Variants in IARS1 observed in about 807,000 individuals in gnomAD.
IARS1 encodes the protein isoleucine--tRNA ligase, cytoplasmic.
Under a neutral mutation model 168.2 loss-of-function variants are expected in IARS1, and 124 were observed. That is an observed-to-expected ratio of 0.74 (90% CI 0.64 to 0.86). The LOEUF (loss-of-function observed/expected upper bound fraction) is 0.86. Among genes scored for constraint, IARS1 ranks in the 40% least tolerant of loss-of-function variants. The pLI is 0.00. For missense variants in IARS1, 1,452 were observed against 1,515.8 expected, an observed-to-expected ratio of 0.96 and a Z score of 0.70; for synonymous variants, 532 against 529.4, an observed-to-expected ratio of 1.00 and a Z score of -0.07.
chr9:92,273,962 A>G (rs1028300957), intron 10 of IARS1, among the ~76,000 whole-genome samples: 3 of 152,256 alleles, frequency 2.0e-5, no homozygotes, highest in Non-Finnish European at 2.9e-5. Flanking sequence ...TTTACTGTAA[A>G]GCATGTGCCT....
At chr9:92,247,197 AAGAGAAG>A (rs199733381) in intron 26 of IARS1, among the ~76,000 whole-genome samples, 173 bp downstream of exon 26, 4,685 of 152,296 alleles carry the variant, frequency 0.031, 112 homozygotes, top group South Asian at 0.079. Flanking sequence ...CTGTCAAGAA[AAGAGAAG>A]AGAGAAGAGA....
intron 29 of IARS1, among the ~76,000 whole-genome samples, chr9:92,241,860 C>T (rs1587766669): frequency 6.6e-6 from 1 of 152,210 alleles, no homozygotes; most frequent in Non-Finnish European, 1.5e-5. Flanking sequence ...AATCCACACA[C>T]TGCCTTTTCT....
In IARS1 at chr9:92,288,404, G is replaced by A. The variant is rs73516583; in HGVS notation, c.120-122C>T. 2,407 of 793,134 alleles carry A rather than the reference G, an allele frequency of 3.0e-3. 48 individuals are homozygous for A. In the African/African-American group the frequency reaches 0.037, roughly 12 times the overall value. The allele number at this position is 793,134 out of a possible 1,614,324, so 49.1% of individuals were successfully genotyped here. On this transcript the variant is annotated intron_variant, in intron 2 of 33. Transcript: ENST00000443024. ...AGAAAAGCAGCAAGATCAGGAAACC[G>A]ACAGACATAATTGATTTGATATTTA...
chr9:92,224,674 AAG>A (rs1189906643), intron 31 of IARS1, among the ~76,000 whole-genome samples: 1 of 151,988 alleles, frequency 6.6e-6, no homozygotes, highest in Non-Finnish European at 1.5e-5. Context: ...CTCTACAAAA[AAG>A]AAAAGAATTA....
chr9:92,221,941 C>T (rs1198867110), intron 33 of IARS1, among the ~76,000 whole-genome samples: 1 of 152,048 alleles, frequency 6.6e-6, no homozygotes, highest in African/African-American at 2.4e-5. Flanking sequence ...GCTGATTTAC[C>T]TAGAAGCATG....
At chr9:92,291,675 T>C (rs1225926414) in intron 1 of IARS1, among the ~76,000 whole-genome samples, 1 of 152,244 alleles carries the variant, frequency 6.6e-6, no homozygotes, top group East Asian at 1.9e-4. Context: ...TACTGATTTA[T>C]TTAGGTTCAT....
chr9:92,288,391 A>C (rs1835794744), intron 2 of IARS1, 109 bp from the exon 3 acceptor site: 1 of 885,198 alleles, frequency 1.1e-6, no homozygotes, highest in Non-Finnish European at 1.8e-6. Context: ...AAAAGCAGCA[A>C]GATCAGGAAA....
At chr9:92,222,340 C>CAAAAAAAAAAAAAAAAAA (rs60335070) in intron 33 of IARS1, among the ~76,000 whole-genome samples, 180 bp downstream of exon 33, 1 of 55,372 alleles carries the variant, frequency 1.8e-5, no homozygotes, top group Non-Finnish European at 3.2e-5. Flanking sequence ...GACTCAGTCT[C>CAAAAAAAAAAAAAAAAAA]AAAAAAAAAA....
Position 92,258,919 on chromosome 9 carries a change from C to T in IARS1, c.1951G>A (p.Asp651Asn). The change falls in exon 19 of 34, where the codon GAT (aspartate) becomes AAT (asparagine). Residue 651 changes from aspartate to asparagine, a missense_variant. Transcript: ENST00000443024. ...GCATTGTACCATGGGAGCAGTACAT[C>T]CTTAAGGACGTCCCGCACACCCTCT... ...KEEGVRDVLK[D>N]VLLPWYNAYR... 6.2e-7 allele frequency: 1 copy of T among 1,614,006 alleles called. No homozygotes were observed. The highest frequency in any genetic ancestry group is 8.5e-7 in the Non-Finnish European group (1 of 1,179,958).
chr9:92,215,362 T>A lies in IARS1; in HGVS notation c.3707-4473A>T, dbSNP rs547141673. ...AAACTGGAAACTCTAAAAAGCAGAG[T>A]GCCTCTCCTCCTCCAAAGGAACACA... On this transcript the variant is annotated intron_variant, in intron 33 of 33. Transcript: ENST00000443024. Among the ~76,000 whole-genome samples, 392 of 152,076 alleles carry A rather than the reference T, an allele frequency of 2.6e-3. 2 individuals are homozygous for A. Among genetic ancestry groups the A allele is most frequent in the African/African-American group, 9.0e-3 (374 of 41,462 alleles).
At chr9:92,224,824 C>A (rs1587711896) in intron 31 of IARS1, among the ~76,000 whole-genome samples, 2 of 132,124 alleles carry the variant, frequency 1.5e-5, no homozygotes. Flanking sequence ...TCGAGTGAGA[C>A]CCTGTCTCAA....
At position 92,240,907 on chromosome 9, in the gene IARS1, G is replaced by T; in HGVS notation, c.3232C>A (p.Pro1078Thr). 1 of 1,613,532 alleles carries T rather than the reference G, an allele frequency of 6.2e-7. No homozygotes were observed. The highest frequency in any genetic ancestry group is 8.5e-7 in the Non-Finnish European group (1 of 1,179,566). Residue 1078 changes from proline (P) to threonine (T), a missense_variant, in exon 30 of 34, where the codon CCT (proline) becomes ACT (threonine). Pro to Thr is a conservative substitution (Grantham distance 38). Coordinates refer to ENST00000443024, the MANE Select transcript of IARS1 (RefSeq NM_002161.6). ...TTAAGATTGACATATGCACAAGCAG[G>T]ACCAGGAAGGGAAGATCCTCTGGTG... is the stretch of plus-strand genomic sequence containing the variant. Reference protein sequence around the residue: ...TLTRGSSLPGPACAYVNLNIC... With the variant: ...TLTRGSSLPGTACAYVNLNIC...
intron 18 of IARS1, 135 bp downstream of exon 18, chr9:92,260,016 C>T (rs1159867770): frequency 1.4e-5 from 9 of 648,356 alleles, no homozygotes; most frequent in East Asian, 2.6e-5. Flanking sequence ...ACCATACCAA[C>T]ATAACATCCA....
intron 9 of IARS1, among the ~76,000 whole-genome samples, chr9:92,275,390 T>C (rs1351054830): frequency 6.6e-6 from 1 of 152,222 alleles, no homozygotes; most frequent in Non-Finnish European, 1.5e-5. Flanking sequence ...ACAGGTCTTC[T>C]GGTTGCAAAT....
In IARS1 at chr9:92,285,773, A is replaced by G. The variant is rs1481051368; in HGVS notation, c.546T>C (p.Ser182=). The G allele has an allele frequency of 6.2e-7, 1 of 1,613,600 alleles. No homozygotes were observed. The highest frequency in any genetic ancestry group is 1.3e-5 in the African/African-American group (1 of 75,050). Residue 182 remains serine (S), a synonymous_variant, in exon 6 of 34, where the codon TCT becomes TCC. Coordinates refer to ENST00000443024, the MANE Select transcript of IARS1 (RefSeq NM_002161.6). ...TGGAAAGTGGAGTGTTACATGCCGT[A>G]GAGAAGGGCATGACTTTCACACCTC... ...VYRGVKVMPF[S]TACNTPLSNF...
At chr9:92,225,836 C>T (rs573072827) in intron 31 of IARS1, among the ~76,000 whole-genome samples, 4 of 152,332 alleles carry the variant, frequency 2.6e-5, no homozygotes, top group South Asian at 4.1e-4. Flanking sequence ...ACATGGGGCC[C>T]GTGCCCTTGG....
At chr9:92,218,931 C>T (rs1839221848) in intron 33 of IARS1, among the ~76,000 whole-genome samples, 2 of 152,058 alleles carry the variant, frequency 1.3e-5, no homozygotes, top group Non-Finnish European at 1.5e-5. Context: ...CTTTAAAGTT[C>T]ATATGGAACC....
chr9:92,215,150 C>A (rs1037509687), intron 33 of IARS1, among the ~76,000 whole-genome samples: 3 of 152,220 alleles, frequency 2.0e-5, no homozygotes, highest in Admixed American at 6.5e-5. Context: ...AGGCACCCCC[C>A]AGCAGGGGCA....
At chr9:92,248,917 T>C (rs1829625951) in intron 25 of IARS1, among the ~76,000 whole-genome samples, 1 of 152,094 alleles carries the variant, frequency 6.6e-6, no homozygotes, top group South Asian at 2.1e-4. Flanking sequence ...TAAAACATCA[T>C]GGAATAAAGA....
Sources: allele counts gnomAD v4.1 joint callset (sites outside exome capture counted in the v4.1 genomes callset), GRCh38; gene constraint gnomAD v4.1.1; transcripts MANE v1.5; gene names NCBI Gene and HGNC (gene_info 2026-07-23, HGNC 2026-07-21).